PPP1R12B: variants seen among roughly 807,000 people sequenced by gnomAD.
PPP1R12B encodes myosin phosphatase target subunit 2.
Under a neutral mutation model 126.1 loss-of-function variants are expected in PPP1R12B, and 76 were observed. The ratio of observed to expected loss-of-function variants is 0.60; its 90% CI spans 0.50 to 0.73. The LOEUF (loss-of-function observed/expected upper bound fraction) is 0.73, where lower values mean the gene tolerates loss of function less well. Among genes scored for constraint, PPP1R12B ranks in the 30% least tolerant of loss-of-function variants. The probability of loss-of-function intolerance (pLI) is 0.00; values close to 1 mark genes in which losing one functional copy is unlikely to be tolerated. For missense variants in PPP1R12B, 1,052 were observed against 1,205.1 expected, an observed-to-expected ratio of 0.87 and a Z score of 1.88; for synonymous variants, 356 against 434.7, an observed-to-expected ratio of 0.82 and a Z score of 2.25.
Position 202,508,402 on chromosome 1 carries a change from T to C in PPP1R12B, c.2490+11580T>C, listed in dbSNP as rs1200714447. Among the ~76,000 whole-genome samples, 2 of 152,224 alleles carry C rather than the reference T, an allele frequency of 1.3e-5. No homozygotes were observed. Among genetic ancestry groups the C allele is most frequent in the African/African-American group, 2.4e-5 (1 of 41,462 alleles). ...TACACCTTAAACTATGTCAGTATTA[T>C]TGGCTACCAAGAGGAAAGCAGGGAA... On this transcript the variant is annotated intron_variant, in intron 18 of 23. Transcript: ENST00000608999. This position sits in a 1 kb window ranked among gnomAD's most constrained non-coding sequence, Gnocchi z 4.5.
chr1:202,416,757 T>A (rs753105856), intron 1 of PPP1R12B, 30 bp from the exon 2 acceptor site: 7 of 1,606,296 alleles, frequency 4.4e-6, no homozygotes, highest in Non-Finnish European at 5.1e-6. Context: ...TGAATACTTG[T>A]TGAATGAATG....
At chr1:202,390,414 G>A (rs1166025143) in intron 1 of PPP1R12B, among the ~76,000 whole-genome samples, 1 of 151,990 alleles carries the variant, frequency 6.6e-6, no homozygotes, top group Non-Finnish European at 1.5e-5. Flanking sequence ...CCATGACCTC[G>A]GATTTAGCAA....
rs140907281 is a variant in PPP1R12B at position 202,444,811 on chromosome 1, T to C, written c.1667+2239T>C. 4.7e-3 allele frequency among the ~76,000 whole-genome samples: 712 copies of C among 152,364 alleles called. 5 individuals carry two copies. The highest frequency in any genetic ancestry group is 3.1e-3 in the Non-Finnish European group (208 of 68,028). Reference sequence around the variant, plus strand: ...CACGTTCCTTCACTCTTTTGGATGATTGACCAAAAAGACCATCCTTCAAAG... The same window carrying C: ...CACGTTCCTTCACTCTTTTGGATGACTGACCAAAAAGACCATCCTTCAAAG... On this transcript the variant is annotated intron_variant, in intron 12 of 23. Transcript: ENST00000608999.
chr1:202,416,949 G>A, intron 2 of PPP1R12B, 32 bp downstream of exon 2: 1 of 1,585,524 alleles, frequency 6.3e-7, no homozygotes, highest in Non-Finnish European at 8.6e-7. Flanking sequence ...TGGCTTTGTA[G>A]TATTTGTAGG....
chr1:202,550,565 G>T (rs554051657), intron 18 of PPP1R12B, among the ~76,000 whole-genome samples: 358 of 151,738 alleles, frequency 2.4e-3, no homozygotes, highest in Non-Finnish European at 4.0e-3. Context: ...TTGAGGCTGT[G>T]TTTTTTTTTA....
chr1:202,391,198 C>G (rs1664105505), intron 1 of PPP1R12B, among the ~76,000 whole-genome samples: 1 of 151,938 alleles, frequency 6.6e-6, no homozygotes. Context: ...GAAAAAATAT[C>G]TCAATTAAAA....
At chr1:202,480,802 T>C (rs1677248876) in intron 13 of PPP1R12B, among the ~76,000 whole-genome samples, 1 of 152,238 alleles carries the variant, frequency 6.6e-6, no homozygotes, top group Non-Finnish European at 1.5e-5. Flanking sequence ...AATGAAGATA[T>C]GTTACAAAAT....
chr1:202,485,266 A>G (rs1374426146), intron 13 of PPP1R12B, among the ~76,000 whole-genome samples: 1 of 152,122 alleles, frequency 6.6e-6, no homozygotes, highest in African/African-American at 2.4e-5. Flanking sequence ...GTAGTGCTAC[A>G]GGTGCCTGTG....
At chr1:202,366,658 T>C (rs1162028302) in intron 1 of PPP1R12B, among the ~76,000 whole-genome samples, 1 of 152,144 alleles carries the variant, frequency 6.6e-6, no homozygotes, top group Non-Finnish European at 1.5e-5. Context: ...TACAAAATTA[T>C]GTTTTATTTA....
At chr1:202,473,836 C>T (rs1676264086) in intron 13 of PPP1R12B, 1 of 489,500 alleles carries the variant, frequency 2.0e-6, no homozygotes, top group African/African-American at 2.0e-5. Context: ...TTTCCAGTTT[C>T]CAAGGGAGAC....
chr1:202,497,934 G>C (rs544813296), intron 18 of PPP1R12B, among the ~76,000 whole-genome samples: 10 of 152,210 alleles, frequency 6.6e-5, no homozygotes, highest in African/African-American at 1.9e-4. Flanking sequence ...ATATAACTCA[G>C]GAAATATAAC....
At chr1:202,546,532 A>G (rs605316) in intron 18 of PPP1R12B, among the ~76,000 whole-genome samples, 4,655 of 152,120 alleles carry the variant, frequency 0.031, 193 homozygotes, top group African/African-American at 0.096. Flanking sequence ...TGAGCTCAGG[A>G]GGTCGAGGTT....
intron 12 of PPP1R12B, among the ~76,000 whole-genome samples, chr1:202,443,555 T>C (rs528504487): frequency 6.2e-4 from 94 of 152,370 alleles, no homozygotes; most frequent in African/African-American, 2.1e-3. Flanking sequence ...GTAGATACAT[T>C]CTATAAGAAA....
intron 18 of PPP1R12B, among the ~76,000 whole-genome samples, chr1:202,531,804 T>A (rs1323431275): frequency 6.6e-6 from 1 of 152,196 alleles, no homozygotes; most frequent in Non-Finnish European, 1.5e-5. Context: ...ACTAGGTAAT[T>A]TCCACCTAAC....
At chr1:202,523,745 T>A (rs555789654) in intron 18 of PPP1R12B, among the ~76,000 whole-genome samples, 32 of 152,274 alleles carry the variant, frequency 2.1e-4, no homozygotes, top group African/African-American at 4.3e-4. Context: ...GACGGAGTCT[T>A]GCTCTGTTGC....
intron 1 of PPP1R12B, among the ~76,000 whole-genome samples, chr1:202,357,027 G>A (rs1346737285): frequency 6.6e-6 from 1 of 151,932 alleles, no homozygotes; most frequent in African/African-American, 2.4e-5. Context: ...TTGCCTTGTT[G>A]GCCAGGCTGG....
rs78119688 is a variant in PPP1R12B at position 202,369,548 on chromosome 1, A to G, written c.291+20406A>G. 583 of 159,656 alleles carry G rather than the reference A, an allele frequency of 3.7e-3. 7 individuals carry two copies. Among genetic ancestry groups the G allele is most frequent in the African/African-American group, 0.013 (560 of 41,728 alleles). The allele number at this position is 159,656 out of a possible 1,614,324, so 9.9% of individuals were successfully genotyped here. A position where few individuals can be genotyped will look rare whatever the true frequency, so the allele number is the denominator to read the frequency against. ...TTATTACTGATTATTAGCTTTTCTG[A>G]GATAAGCTATCAAGTCTGCCCTTTC... On this transcript the variant is annotated intron_variant, in intron 1 of 23. Coordinates refer to ENST00000608999, the MANE Select transcript of PPP1R12B (RefSeq NM_002481.4).
chr1:202,576,731 T>A (rs1005094700), intron 23 of PPP1R12B: 1 of 152,094 alleles, frequency 6.6e-6, no homozygotes, highest in African/African-American at 2.4e-5. Context: ...TTTCAGTAGT[T>A]AATAACCTTA....
chr1:202,407,700 A>G (rs576302312), intron 1 of PPP1R12B, among the ~76,000 whole-genome samples: 2 of 152,222 alleles, frequency 1.3e-5, no homozygotes, highest in South Asian at 4.1e-4. Flanking sequence ...GGAAGGATTG[A>G]CTCAAGCTCT....
Sources: gnomAD v4.1 joint callset for allele counts (sites outside exome capture counted in the v4.1 genomes callset) on GRCh38, gnomAD v4.1.1 for gene constraint, Gnocchi (gnomAD v3.1) non-coding constraint, MANE v1.5 for transcripts, NCBI Gene and HGNC (gene_info 2026-07-23, HGNC 2026-07-21) for gene names.